THOP1: variants seen among roughly 807,000 people sequenced by gnomAD.
THOP1 encodes thimet oligopeptidase 1.
A neutral mutation model predicts 71.8 loss-of-function variants in THOP1; 49 were observed. The ratio of observed to expected loss-of-function variants is 0.68; its 90% CI spans 0.54 to 0.87. The LOEUF is 0.87. THOP1 is among the 40% of genes least tolerant of loss of function. The pLI is 0.00. For missense variants in THOP1, 843 were observed against 975.6 expected, an observed-to-expected ratio of 0.86 and a Z score of 1.81; for synonymous variants, 426 against 421.5, an observed-to-expected ratio of 1.01 and a Z score of -0.13.
chr19:2,794,959 G>C, intron 3 of THOP1, 47 bp downstream of exon 3: 1 of 1,578,362 alleles, frequency 6.3e-7, no homozygotes, highest in Non-Finnish European at 8.7e-7. Context: ...AAGTAACTAG[G>C]ATTACAGGCG....
intron 8 of THOP1, 39 bp from the exon 9 acceptor site, chr19:2,808,204 T>A: frequency 1.3e-6 from 2 of 1,539,086 alleles, no homozygotes; most frequent in Non-Finnish European, 1.8e-6. Context: ...TTGCGGTGTC[T>A]CTAGTCCCTG....
At chr19:2,793,949 G>C (rs920301464) in intron 2 of THOP1, among the ~76,000 whole-genome samples, 1 of 151,908 alleles carries the variant, frequency 6.6e-6, no homozygotes, top group Non-Finnish European at 1.5e-5. Flanking sequence ...CATGTCTCCT[G>C]GCTGGATCCT....
intron 2 of THOP1, among the ~76,000 whole-genome samples, chr19:2,793,747 G>A (rs1045508246): frequency 6.6e-6 from 1 of 152,122 alleles, no homozygotes; most frequent in Non-Finnish European, 1.5e-5. Flanking sequence ...TTCTTTCTCT[G>A]CATGTGACAT....
At chr19:2,808,659 G>A (rs547114363) in intron 9 of THOP1, among the ~76,000 whole-genome samples, 1 of 152,392 alleles carries the variant, frequency 6.6e-6, no homozygotes, top group South Asian at 2.1e-4. Context: ...TACACAAGGT[G>A]CGTGTATTTC....
Position 2,804,935 on chromosome 19 carries a change from G to A in THOP1, c.590-81G>A, listed in dbSNP as rs1183747234. On this transcript the variant is annotated intron_variant, in intron 5 of 12. Coordinates refer to ENST00000307741, the MANE Select transcript of THOP1 (RefSeq NM_003249.5). The surrounding 1 kb of genome is among the most constrained non-coding windows in gnomAD (Gnocchi z 4.7). ...TTGTAGCTTTCCAGGCAGAGGGGAA[G>A]CCCACCCCTTCCCTCACACGCTGTG... 6.3e-6 allele frequency: 9 copies of A among 1,428,668 alleles called. No homozygotes were observed. The highest frequency in any genetic ancestry group is 8.4e-6 in the Non-Finnish European group (9 of 1,069,864). 88.5% of individuals were successfully genotyped at this position (1,428,668 alleles called of 1,614,324 possible).
chr19:2,798,464 G>A (rs1322693439), intron 4 of THOP1, among the ~76,000 whole-genome samples: 1 of 152,226 alleles, frequency 6.6e-6, no homozygotes, highest in African/African-American at 2.4e-5. Flanking sequence ...GGACAGAAGC[G>A]CGGAAAAGGT....
intron 12 of THOP1, chr19:2,812,499 T>G: frequency 8.7e-7 from 1 of 1,146,764 alleles, no homozygotes; most frequent in African/African-American, 1.6e-5. Flanking sequence ...TCCCCCCTCC[T>G]GAGGCAGCCT....
At chr19:2,796,317 CG>C in intron 4 of THOP1, 129 bp downstream of exon 4, 1 of 717,364 alleles carries the variant, frequency 1.4e-6, no homozygotes, top group Non-Finnish European at 2.3e-6. Context: ...GTGCTGGGCT[CG>C]GGGAGTGCTC....
In THOP1 at chr19:2,810,475, C is replaced by A; in HGVS notation, c.1627C>A (p.Arg543=). 6.4e-7 allele frequency: 1 copy of A among 1,562,132 alleles called. No individual in the cohort carries two copies. Among genetic ancestry groups the A allele is most frequent in the East Asian group, 2.3e-5 (1 of 42,868 alleles). Residue 543 remains arginine (R), a synonymous_variant, in exon 10 of 13, where the codon CGG becomes AGG. Coordinates refer to ENST00000307741, the MANE Select transcript of THOP1 (RefSeq NM_003249.5). ...RELLEKLIES[R]QANTGLFNLR... is the part of the protein sequence containing the mutation. Reference sequence around the variant, plus strand: ...GCTCCTGGAGAAGCTCATTGAGTCCCGGCAGGCCAACACAGGTGCACCCGC... The same window carrying A: ...GCTCCTGGAGAAGCTCATTGAGTCCAGGCAGGCCAACACAGGTGCACCCGC...
At chr19:2,803,663 C>T (rs530174439) in intron 5 of THOP1, among the ~76,000 whole-genome samples, 8 of 152,282 alleles carry the variant, frequency 5.3e-5, no homozygotes, top group Admixed American at 4.6e-4. Flanking sequence ...TTGGAAAGGA[C>T]GATGTGCAGG....
chr19:2,807,278 T>C (rs1916316720), intron 7 of THOP1, among the ~76,000 whole-genome samples, 164 bp from the exon 8 acceptor site: 1 of 152,002 alleles, frequency 6.6e-6, no homozygotes, highest in Non-Finnish European at 1.5e-5. Flanking sequence ...CGCCGCCCCC[T>C]CACCCTGAGC....
rs887491180 is a variant in THOP1 at position 2,814,500 on chromosome 19, G to A, written c.*1224G>A. 1.3e-5 allele frequency: 2 copies of A among 152,324 alleles called. No individual in the cohort carries two copies. Among genetic ancestry groups the A allele is most frequent in the Non-Finnish European group, 2.9e-5 (2 of 68,118 alleles). The allele number at this position is 152,324 out of a possible 1,614,324, so 9.4% of individuals were successfully genotyped here. ...CTCACCTCCATTTGGACAGGACTCC[G>A]AGGGCTGTGCCATCTGCTTCAGCCC... On this transcript the variant is annotated 3_prime_UTR_variant, in exon 13 of 13. Coordinates refer to ENST00000307741, the MANE Select transcript of THOP1 (RefSeq NM_003249.5).
chr19:2,786,701 A>G (rs1045490880), intron 1 of THOP1, among the ~76,000 whole-genome samples: 3 of 150,828 alleles, frequency 2.0e-5, no homozygotes, highest in African/African-American at 7.4e-5. Flanking sequence ...TCCCGGGTTC[A>G]AGCTATGCTG....
intron 4 of THOP1, among the ~76,000 whole-genome samples, chr19:2,796,895 C>T (rs1049898043): frequency 1.3e-5 from 2 of 152,172 alleles, no homozygotes; most frequent in Admixed American, 6.5e-5. Context: ...CTGATGTGGG[C>T]GTCTCAGGGG....
rs549126211 is a variant in THOP1 at position 2,812,173 on chromosome 19, CA to C, written c.1908+440del. The C allele has an allele frequency of 2.6e-4, 392 of 1,485,052 alleles. 3 individuals are homozygous for C. In the South Asian group the frequency reaches 4.8e-3, roughly 18 times the overall value. The allele number at this position is 1,485,052 out of a possible 1,614,324, so 92.0% of individuals were successfully genotyped here. On this transcript the variant is annotated intron_variant, in intron 12 of 12. Coordinates refer to ENST00000307741, the MANE Select transcript of THOP1 (RefSeq NM_003249.5). ...TCTCTGGAGAAGGCTTGGCGTTTGC[CA>C]TTCATTTGCTCCTCCAACCTCCAGT...
chr19:2,807,389 A>C, intron 7 of THOP1, 53 bp from the exon 8 acceptor site: 1 of 1,516,388 alleles, frequency 6.6e-7, no homozygotes, highest in Non-Finnish European at 8.8e-7. Context: ...GCGAGCCCAG[A>C]GCCATGGAGG....
chr19:2,788,474 C>G (rs1419391930), intron 1 of THOP1, among the ~76,000 whole-genome samples: 20 of 152,162 alleles, frequency 1.3e-4, no homozygotes, highest in Admixed American at 1.3e-3. Flanking sequence ...AGTTGGCAAA[C>G]TCCAGCCTGC....
At chr19:2,808,092 G>A (rs1478318988) in intron 8 of THOP1, 151 bp from the exon 9 acceptor site, 18 of 968,020 alleles carry the variant, frequency 1.9e-5, no homozygotes, top group Non-Finnish European at 2.4e-5. Flanking sequence ...ATGCTGCCCT[G>A]CGCCAAGCCA....
At chr19:2,796,762 C>G (rs1008582148) in intron 4 of THOP1, among the ~76,000 whole-genome samples, 5 of 152,214 alleles carry the variant, frequency 3.3e-5, no homozygotes, top group Non-Finnish European at 7.4e-5. Flanking sequence ...AGGGCTGACC[C>G]CCGGCCTGAT....
Sources: allele counts gnomAD v4.1 joint callset (sites outside exome capture counted in the v4.1 genomes callset), GRCh38; gene constraint gnomAD v4.1.1; non-coding constraint Gnocchi (gnomAD v3.1); transcripts MANE v1.5; gene names NCBI Gene and HGNC (gene_info 2026-07-23, HGNC 2026-07-21).